ABCA12: variants seen among roughly 807,000 people sequenced by gnomAD.
ABCA12 encodes the protein glucosylceramide transporter ABCA12.
ABCA12 carries 156 observed loss-of-function variants against 293.5 expected under a neutral mutation model. That is an observed-to-expected ratio of 0.53 (90% CI 0.47 to 0.61). The LOEUF is 0.61. Ranked by LOEUF, ABCA12 falls within the 20% of genes least tolerant of loss-of-function variation. The probability of loss-of-function intolerance (pLI) is 0.00; values close to 1 mark genes in which losing one functional copy is unlikely to be tolerated. For synonymous variants in ABCA12, 1,063 were observed against 1,108.0 expected, an observed-to-expected ratio of 0.96 and a Z score of 0.81; for missense variants, 2,797 against 3,090.2, an observed-to-expected ratio of 0.91 and a Z score of 2.25.
In ABCA12 at chr2:215,028,201, G is replaced by A. The variant is rs914628514; in HGVS notation, c.1062-1263C>T. On this transcript the variant is annotated intron_variant, in intron 9 of 52. Coordinates refer to ENST00000272895, the MANE Select transcript of ABCA12 (RefSeq NM_173076.3). ...ATTTTATTAAAATGCGAGTGGGAACGATTAACCTTGGCATAGCTAGTAAAT... is the reference window on the plus strand; with the variant it reads ...ATTTTATTAAAATGCGAGTGGGAACAATTAACCTTGGCATAGCTAGTAAAT... 5.3e-5 allele frequency among the ~76,000 whole-genome samples: 8 copies of A among 152,310 alleles called. No homozygotes were observed. In the East Asian group the frequency reaches 9.6e-4, roughly 18 times the overall value.
intron 2 of ABCA12, among the ~76,000 whole-genome samples, chr2:215,100,463 T>C (rs997514433): frequency 2.6e-5 from 4 of 152,200 alleles, no homozygotes; most frequent in Non-Finnish European, 5.9e-5. Flanking sequence ...CATCCAGTAG[T>C]TTTCATTGCC....
intron 48 of ABCA12, among the ~76,000 whole-genome samples, chr2:214,945,982 T>A (rs145319592): frequency 2.0e-3 from 302 of 152,234 alleles, no homozygotes; most frequent in Non-Finnish European, 3.6e-3. Context: ...AAATTACAGC[T>A]AGACAAGAAG....
chr2:214,940,553 T>C (rs545138243), intron 50 of ABCA12, among the ~76,000 whole-genome samples: 22 of 152,340 alleles, frequency 1.4e-4, no homozygotes, highest in Non-Finnish European at 1.3e-4. Context: ...CAGCTCCTCT[T>C]TGTACCTCTG....
chr2:214,953,732 A>C, intron 44 of ABCA12, 122 bp downstream of exon 44: 1 of 1,310,998 alleles, frequency 7.6e-7, no homozygotes, highest in Non-Finnish European at 1.0e-6. Flanking sequence ...AATTTTTTAA[A>C]AGTTTTTGAG....
intron 19 of ABCA12, 57 bp from the exon 20 acceptor site, chr2:215,004,356 G>T: frequency 7.5e-7 from 1 of 1,324,590 alleles, no homozygotes. Flanking sequence ...GTTTGACATT[G>T]TCTCTCTAAT....
chr2:215,042,647 A>G (rs1701122627), intron 7 of ABCA12, among the ~76,000 whole-genome samples: 2 of 152,196 alleles, frequency 1.3e-5, no homozygotes, highest in South Asian at 4.1e-4. Flanking sequence ...TAAAGCTCAA[A>G]TTAGTATAAT....
At chr2:214,983,068 G>A (rs923149369) in intron 29 of ABCA12, among the ~76,000 whole-genome samples, 82 of 152,290 alleles carry the variant, frequency 5.4e-4, no homozygotes, top group African/African-American at 1.9e-3. Context: ...AAAGCCCTGA[G>A]GCTGGAGCAG....
chr2:215,069,991 G>A (rs549226960), intron 2 of ABCA12, among the ~76,000 whole-genome samples: 23 of 152,286 alleles, frequency 1.5e-4, no homozygotes, highest in South Asian at 4.1e-4. Flanking sequence ...GGGGGAGTCC[G>A]AGGAAGACTG....
intron 2 of ABCA12, among the ~76,000 whole-genome samples, chr2:215,105,149 T>A (rs1478193464): frequency 6.6e-6 from 1 of 152,206 alleles, no homozygotes; most frequent in African/African-American, 2.4e-5. Flanking sequence ...TGATGTGATT[T>A]CTGCTATTAA....
intron 39 of ABCA12, among the ~76,000 whole-genome samples, chr2:214,965,933 C>T (rs1157086756): frequency 6.6e-6 from 1 of 152,100 alleles, no homozygotes; most frequent in Non-Finnish European, 1.5e-5. Flanking sequence ...GATACATGCA[C>T]ATGTATGTTC....
At chr2:214,949,990 C>T (rs554192717) in intron 45 of ABCA12, among the ~76,000 whole-genome samples, 101 of 152,192 alleles carry the variant, frequency 6.6e-4, no homozygotes, top group African/African-American at 2.4e-3. Flanking sequence ...CCTCCTTATC[C>T]GAGTTTCTAA....
Position 214,958,533 on chromosome 2 carries a change from A to G in ABCA12, c.5940-79T>C, listed in dbSNP as rs541772270. Reference sequence around the variant, plus strand: ...CCTTTCAGAAAGATTCATAACTAAAACCATCAAGAAAACAGTACAAGAGTT... The same window carrying G: ...CCTTTCAGAAAGATTCATAACTAAAGCCATCAAGAAAACAGTACAAGAGTT... On this transcript the variant is annotated intron_variant, in intron 40 of 52. Coordinates refer to ENST00000272895, the MANE Select transcript of ABCA12 (RefSeq NM_173076.3). 2.1e-5 allele frequency: 31 copies of G among 1,476,238 alleles called. No individual in the cohort carries two copies. The South Asian group carries it at 3.6e-4, about 17-fold the overall frequency. The allele number at this position is 1,476,238 out of a possible 1,614,324, so 91.4% of individuals were successfully genotyped here.
chr2:214,969,507 A>G (rs893007723), intron 37 of ABCA12, among the ~76,000 whole-genome samples: 3 of 152,062 alleles, frequency 2.0e-5, no homozygotes, highest in Admixed American at 2.0e-4. Context: ...TGACATGCAA[A>G]TAACATCATA....
chr2:214,983,430 C>T (rs550722834), intron 29 of ABCA12, among the ~76,000 whole-genome samples: 1 of 151,930 alleles, frequency 6.6e-6, no homozygotes, highest in Non-Finnish European at 1.5e-5. Context: ...AATATGGGAG[C>T]CACAGATGAA....
In ABCA12 at chr2:215,046,037, CA is replaced by C. The variant is rs368725443; in HGVS notation, c.694-23del. On this transcript the variant is annotated intron_variant, in intron 6 of 52. Coordinates refer to ENST00000272895, the MANE Select transcript of ABCA12 (RefSeq NM_173076.3). ...ATAGCTTAAAATATAAAACCACAAA[CA>C]GAGCAAAATGAGACTTTAACATTTG... 4,141 of 1,610,526 alleles carry C rather than the reference CA, an allele frequency of 2.6e-3. 13 individuals carry two copies. Among genetic ancestry groups the C allele is most frequent in the Admixed American group, 5.9e-3 (353 of 59,888 alleles).
chr2:215,083,737 AGC>A (rs201382968), intron 2 of ABCA12, among the ~76,000 whole-genome samples: 3,129 of 152,290 alleles, frequency 0.021, 38 homozygotes, highest in Middle Eastern at 0.044. Flanking sequence ...AAGGCAGAGT[AGC>A]TCACATGACA....
chr2:214,939,178 T>C (rs1032351812), intron 50 of ABCA12, among the ~76,000 whole-genome samples: 3 of 152,248 alleles, frequency 2.0e-5, no homozygotes, highest in Non-Finnish European at 4.4e-5. Flanking sequence ...GTTTTCTGCA[T>C]ATAGCTAGCC....
chr2:214,936,071 T>G (rs1427887617), intron 51 of ABCA12, among the ~76,000 whole-genome samples: 3 of 152,174 alleles, frequency 2.0e-5, no homozygotes, highest in Non-Finnish European at 2.9e-5. Context: ...GGTTTTGCAT[T>G]CTATGGTTTG....
At chr2:214,936,017 G>A (rs1698207250) in intron 51 of ABCA12, among the ~76,000 whole-genome samples, 1 of 152,106 alleles carries the variant, frequency 6.6e-6, no homozygotes, top group Non-Finnish European at 1.5e-5. Flanking sequence ...TCTCACATCA[G>A]TTTTGTGAAG....
Sources: gnomAD v4.1 joint callset for allele counts (sites outside exome capture counted in the v4.1 genomes callset) on GRCh38, gnomAD v4.1.1 for gene constraint, MANE v1.5 for transcripts, NCBI Gene and HGNC (gene_info 2026-07-23, HGNC 2026-07-21) for gene names.